The following ATP11A variants were observed in gnomAD, a reference collection of about 807,000 sequenced individuals.
ATP11A encodes the protein phospholipid-transporting ATPase IH.
In ATP11A, 81 loss-of-function variants were observed where a neutral mutation model predicts 154.4. The ratio of observed to expected loss-of-function variants is 0.52; its 90% CI spans 0.44 to 0.63. ATP11A has a LOEUF of 0.63. Among genes scored for constraint, ATP11A ranks in the 30% least tolerant of loss-of-function variants. The pLI, the probability that ATP11A is intolerant of heterozygous loss-of-function variation, is 0.00. For missense variants in ATP11A, 1,316 were observed against 1,474.3 expected, an observed-to-expected ratio of 0.89 and a Z score of 1.76; for synonymous variants, 623 against 585.9, an observed-to-expected ratio of 1.06 and a Z score of -0.91.
At chr13:112,795,245 A>T (rs926981450) in intron 2 of ATP11A, among the ~76,000 whole-genome samples, 12 of 152,240 alleles carry the variant, frequency 7.9e-5, no homozygotes, top group Middle Eastern at 3.2e-3. Context: ...ACTTCATCTC[A>T]AAATAAATAA....
chr13:112,790,716 A>C (rs774544276), intron 2 of ATP11A, among the ~76,000 whole-genome samples: 9 of 151,034 alleles, frequency 6.0e-5, no homozygotes, highest in Non-Finnish European at 1.2e-4. Context: ...ACTCCTGTGG[A>C]GACTTACTTA....
chr13:112,730,802 C>T lies in ATP11A; in HGVS notation c.39+40347C>T, dbSNP rs546894515. On this transcript the variant is annotated intron_variant, in intron 1 of 29. Transcript: ENST00000375645. Reference sequence around the variant, plus strand: ...CCCAGGAGGCCTGAATGAATCAAGTCGTGCTGCAGAGCAGGGAGGATTTTC... The same window carrying T: ...CCCAGGAGGCCTGAATGAATCAAGTTGTGCTGCAGAGCAGGGAGGATTTTC... Among the ~76,000 whole-genome samples the T allele has an allele frequency of 7.7e-4, 118 of 152,304 alleles. 1 individual carries two copies. Among genetic ancestry groups the T allele is most frequent in the Admixed American group, 1.7e-3 (26 of 15,298 alleles).
At chr13:112,794,789 A>G (rs1594723524) in intron 2 of ATP11A, among the ~76,000 whole-genome samples, 1 of 151,900 alleles carries the variant, frequency 6.6e-6, no homozygotes, top group Non-Finnish European at 1.5e-5. Flanking sequence ...AATCGCTTGA[A>G]CCCGGGAGGC....
At position 112,823,278 on chromosome 13, in the gene ATP11A, C is replaced by T. The variant is rs1260245688; in HGVS notation, c.726-67C>T. ...GCAAACAAGTGGGTTTCACGTCTGC[C>T]TCTTGCCCCCCGCCCTGCCCACTTG... is the stretch of plus-strand genomic sequence containing the variant. On this transcript the variant is annotated intron_variant, in intron 8 of 29. Transcript: ENST00000375645. The T allele has an allele frequency of 4.8e-6, 6 of 1,253,636 alleles. No homozygotes were observed. In the African/African-American group the frequency reaches 7.5e-5, roughly 16 times the overall value. The allele number at this position is 1,253,636 out of a possible 1,614,324, so 77.7% of individuals were successfully genotyped here.
At chr13:112,864,579 G>A (rs375611578) in intron 25 of ATP11A, among the ~76,000 whole-genome samples, 12 of 53,694 alleles carry the variant, frequency 2.2e-4, no homozygotes, top group African/African-American at 1.2e-3. Context: ...GCTTCCCAGC[G>A]GGGTCCATCA....
At chr13:112,794,287 C>G (rs998559421) in intron 2 of ATP11A, among the ~76,000 whole-genome samples, 3 of 152,196 alleles carry the variant, frequency 2.0e-5, no homozygotes, top group Non-Finnish European at 4.4e-5. Context: ...TACAATTCAA[C>G]AACGATGAGC....
intron 1 of ATP11A, among the ~76,000 whole-genome samples, chr13:112,780,125 C>G (rs1400985756): frequency 2.2e-5 from 3 of 136,128 alleles, no homozygotes; most frequent in Non-Finnish European, 4.4e-5. Context: ...CCATGCATGC[C>G]TTTCATTTGG....
Position 112,697,866 on chromosome 13 carries a change from G to A in ATP11A, c.39+7411G>A, listed in dbSNP as rs531721931. Among the ~76,000 whole-genome samples, 31 of 151,826 alleles carry A rather than the reference G, an allele frequency of 2.0e-4. No homozygotes were observed. The highest frequency in any genetic ancestry group is 7.7e-4 in the East Asian group (4 of 5,170). On this transcript the variant is annotated intron_variant, in intron 1 of 29. Coordinates refer to ENST00000375645, the MANE Select transcript of ATP11A (RefSeq NM_015205.3). The surrounding 1 kb of genome is among the most constrained non-coding windows in gnomAD (Gnocchi z 4.0). ...TGGGATTGCAGGTATGTGCCACCAC[G>A]CCCAGCCCTGAAACTACTTTCATTT... is the stretch of plus-strand genomic sequence containing the variant.
chr13:112,797,625 T>C (rs1291741432), intron 2 of ATP11A, among the ~76,000 whole-genome samples: 1 of 152,188 alleles, frequency 6.6e-6, no homozygotes, highest in East Asian at 1.9e-4. Context: ...ATGTAAAATA[T>C]TTAAAGTGTT....
Position 112,885,147 on chromosome 13 carries a change from A to C in ATP11A, c.*3281A>C, listed in dbSNP as rs1338262053. ...AGACATGCAGAACATGCACGTGTAC[A>C]CATACCACAGACACGCGTGTGCATG... On this transcript the variant is annotated 3_prime_UTR_variant, in exon 30 of 30. Transcript: ENST00000375645. 6.6e-6 allele frequency: 1 copy of C among 152,258 alleles called. No individual in the cohort carries two copies. The highest frequency in any genetic ancestry group is 1.5e-5 in the Non-Finnish European group (1 of 68,056). 9.4% of individuals were successfully genotyped at this position (152,258 alleles called of 1,614,324 possible).
At chr13:112,719,935 G>A (rs950505122) in intron 1 of ATP11A, among the ~76,000 whole-genome samples, 1 of 152,194 alleles carries the variant, frequency 6.6e-6, no homozygotes, top group Non-Finnish European at 1.5e-5. Flanking sequence ...TGGAAATTCA[G>A]CCTAAGAAAG....
chr13:112,830,320 A>T (rs1488372190), intron 12 of ATP11A, among the ~76,000 whole-genome samples: 2 of 152,132 alleles, frequency 1.3e-5, no homozygotes, highest in African/African-American at 4.8e-5. Flanking sequence ...CATGCCTGTA[A>T]TCCCAACACT....
Position 112,696,918 on chromosome 13 carries a change from G to A in ATP11A, c.39+6463G>A, listed in dbSNP as rs1885897053. 6.6e-6 allele frequency: 1 copy of A among 152,574 alleles called. No individual in the cohort carries two copies. The highest frequency in any genetic ancestry group is 2.4e-5 in the African/African-American group (1 of 41,478). 9.5% of individuals were successfully genotyped at this position (152,574 alleles called of 1,614,324 possible). A position where few individuals can be genotyped will look rare whatever the true frequency, so the allele number is the denominator to read the frequency against. ...CGAACAGGAAACCACCACAGTGAGT[G>A]TTGGGGTGCCCCGCAGGCGACGGTG... On this transcript the variant is annotated intron_variant, in intron 1 of 29. Transcript: ENST00000375645. This position sits in a 1 kb window ranked among gnomAD's most constrained non-coding sequence, Gnocchi z 6.2.
rs2079294962 is a variant in ATP11A at position 112,838,226 on chromosome 13, C to G, written c.1705+1975C>G. Among the ~76,000 whole-genome samples, 1 of 152,206 alleles carries G rather than the reference C, an allele frequency of 6.6e-6. No individual in the cohort carries two copies. Among genetic ancestry groups the G allele is most frequent in the African/African-American group, 2.4e-5 (1 of 41,442 alleles). ...CCCCCCGGCTCGGATGAGGCGCAGTCCTGAGAGTCTCAGCCACTCGGAGTT... is the reference window on the plus strand; with the variant it reads ...CCCCCCGGCTCGGATGAGGCGCAGTGCTGAGAGTCTCAGCCACTCGGAGTT... On this transcript the variant is annotated intron_variant, in intron 16 of 29. Coordinates refer to ENST00000375645, the MANE Select transcript of ATP11A (RefSeq NM_015205.3). This position sits in a 1 kb window ranked among gnomAD's most constrained non-coding sequence, Gnocchi z 7.3.
In ATP11A at chr13:112,873,551, G is replaced by GC. The variant is rs763306401; in HGVS notation, c.3058-19dup. The GC allele has an allele frequency of 3.7e-5, 58 of 1,559,264 alleles. No individual in the cohort carries two copies. The African/African-American group carries it at 6.6e-4, about 18-fold the overall frequency. On this transcript the variant is annotated intron_variant, in intron 26 of 29. Coordinates refer to ENST00000375645, the MANE Select transcript of ATP11A (RefSeq NM_015205.3). ...CACTGCTCAGATGACACCGTTAACT[G>GC]CCCTTTTTTTTTTCCTTTTAGCTTG...
At chr13:112,734,175 A>AACTAAGC (rs1238001854) in intron 1 of ATP11A, among the ~76,000 whole-genome samples, 4 of 152,114 alleles carry the variant, frequency 2.6e-5, no homozygotes, top group Non-Finnish European at 5.9e-5. Context: ...TTGTTTGAGA[A>AACTAAGC]ACTAAGCCCT....
In ATP11A at chr13:112,865,139, G is replaced by C. The variant is rs1196740275; in HGVS notation, c.2991+2564G>C. On this transcript the variant is annotated intron_variant, in intron 25 of 29. Transcript: ENST00000375645. ...CCCAGCGGGGTCCATCACCACCTGC[G>C]CAGTAATTCAGTGCAGGCCCGCGCA... Among the ~76,000 whole-genome samples the C allele has an allele frequency of 2.3e-5, 2 of 88,176 alleles. 1 individual carries two copies. The highest frequency in any genetic ancestry group is 4.6e-5 in the Non-Finnish European group (2 of 43,644). 57.8% of individuals were successfully genotyped at this position (88,176 alleles called of 152,430 possible).
chr13:112,779,635 C>T (rs1437890914), intron 1 of ATP11A, among the ~76,000 whole-genome samples: 1 of 152,134 alleles, frequency 6.6e-6, no homozygotes, highest in African/African-American at 2.4e-5. Flanking sequence ...CTTTTCCTGC[C>T]AGGCGCAGTG....
chr13:112,846,376 G>A (rs942961757), intron 17 of ATP11A, among the ~76,000 whole-genome samples: 1 of 152,110 alleles, frequency 6.6e-6, no homozygotes, highest in African/African-American at 2.4e-5. Context: ...CATGTCACGA[G>A]TTTTTCCCGT....
Sources: allele counts gnomAD v4.1 joint callset (sites outside exome capture counted in the v4.1 genomes callset), GRCh38; gene constraint gnomAD v4.1.1; non-coding constraint Gnocchi (gnomAD v3.1); transcripts MANE v1.5; gene names NCBI Gene and HGNC (gene_info 2026-07-23, HGNC 2026-07-21).